ROBO1: variants seen among roughly 807,000 people sequenced by gnomAD.
ROBO1 encodes the protein roundabout homolog 1.
A neutral mutation model predicts 195.9 loss-of-function variants in ROBO1; 149 were observed. That is an observed-to-expected ratio of 0.76 (90% CI 0.67 to 0.87). ROBO1 has a LOEUF of 0.87. Ranked by LOEUF, ROBO1 falls within the 40% of genes least tolerant of loss-of-function variation. The pLI is 0.00. For synonymous variants in ROBO1, 816 were observed against 733.2 expected (o/e 1.11, Z -1.82); for missense variants, 1,933 against 2,068.3 (o/e 0.93, Z 1.27).
At chr3:79,064,891 A>G (rs2078979753) in intron 3 of ROBO1, among the ~76,000 whole-genome samples, 1 of 151,988 alleles carries the variant, frequency 6.6e-6, no homozygotes, top group African/African-American at 2.4e-5. Flanking sequence ...CCACCTTAGG[A>G]GTAAAAGCAT....
At chr3:79,171,629 G>C (rs1353073812) in intron 2 of ROBO1, among the ~76,000 whole-genome samples, 1 of 151,958 alleles carries the variant, frequency 6.6e-6, no homozygotes, top group Non-Finnish European at 1.5e-5. Flanking sequence ...AAATAAACAA[G>C]TCATTCACGT....
chr3:78,804,521 C>T (rs547223315), intron 4 of ROBO1, among the ~76,000 whole-genome samples: 2 of 152,086 alleles, frequency 1.3e-5, no homozygotes, highest in South Asian at 4.2e-4. Context: ...CTTTTATTCC[C>T]CTTTCTGGCA....
chr3:79,633,710 A>G lies in ROBO1; in HGVS notation c.-50-43749T>C, dbSNP rs576766666. On this transcript the variant is annotated intron_variant, in intron 1 of 30. Coordinates refer to ENST00000464233, the MANE Select transcript of ROBO1 (RefSeq NM_002941.4). ...TTCTTCAAGAACATCTTTTATATACATACTTGAATAGTGATTTAAAAAAAA... is the reference window on the plus strand; with the variant it reads ...TTCTTCAAGAACATCTTTTATATACGTACTTGAATAGTGATTTAAAAAAAA... Among the ~76,000 whole-genome samples the G allele has an allele frequency of 6.5e-4, 76 of 117,348 alleles. No individual in the cohort carries two copies. The South Asian group carries it at 6.8e-3, about 10-fold the overall frequency. 77.0% of individuals were successfully genotyped at this position (117,348 alleles called of 152,430 possible). A position where few individuals can be genotyped will look rare whatever the true frequency, so the allele number is the denominator to read the frequency against.
At chr3:79,226,219 C>T (rs913384906) in intron 2 of ROBO1, among the ~76,000 whole-genome samples, 1 of 152,018 alleles carries the variant, frequency 6.6e-6, no homozygotes, top group African/African-American at 2.4e-5. Flanking sequence ...ATCACATCTG[C>T]GTGGCAAAGA....
intron 2 of ROBO1, among the ~76,000 whole-genome samples, chr3:79,512,451 G>T (rs1481092226): frequency 6.6e-6 from 1 of 152,118 alleles, no homozygotes; most frequent in African/African-American, 2.4e-5. Flanking sequence ...TAACTAATTT[G>T]GTTCTCCCAA....
chr3:79,583,699 T>A lies in ROBO1; in HGVS notation c.88+6125A>T, dbSNP rs540732479. 5.3e-5 allele frequency among the ~76,000 whole-genome samples: 8 copies of A among 152,062 alleles called. No homozygotes were observed. The East Asian group carries it at 9.7e-4, about 18-fold the overall frequency. On this transcript the variant is annotated intron_variant, in intron 2 of 30. Transcript: ENST00000464233. ...ATCATTAATCTACTAGTGTTTTTTT[T>A]AAAGATATCCACATTAGCATAGGAA...
chr3:79,142,947 C>G (rs1273874120), intron 2 of ROBO1, among the ~76,000 whole-genome samples: 1 of 152,060 alleles, frequency 6.6e-6, no homozygotes, highest in Non-Finnish European at 1.5e-5. Flanking sequence ...AAAAGCAAGT[C>G]TCTGTAATCT....
At chr3:79,204,525 G>A (rs1421106850) in intron 2 of ROBO1, among the ~76,000 whole-genome samples, 2 of 151,936 alleles carry the variant, frequency 1.3e-5, no homozygotes, top group African/African-American at 4.8e-5. Context: ...TATGTGTTCC[G>A]TCATAGCCTG....
intron 1 of ROBO1, among the ~76,000 whole-genome samples, chr3:79,673,643 T>TA (rs1402056158): frequency 6.6e-6 from 1 of 152,014 alleles, no homozygotes; most frequent in African/African-American, 2.4e-5. Flanking sequence ...TTATATTGGG[T>TA]AAAAAATTTG....
intron 2 of ROBO1, among the ~76,000 whole-genome samples, chr3:79,489,206 C>A (rs1939320620): frequency 6.6e-6 from 1 of 151,686 alleles, no homozygotes; most frequent in African/African-American, 2.4e-5. Flanking sequence ...CTGGCAATTA[C>A]AATTGTGGAA....
chr3:79,573,313 A>G (rs891726569), intron 2 of ROBO1, among the ~76,000 whole-genome samples: 11 of 152,112 alleles, frequency 7.2e-5, no homozygotes, highest in African/African-American at 2.7e-4. Flanking sequence ...CTGCCTCTCA[A>G]GTTCTGGGAT....
chr3:78,753,988 A>G (rs1466732582), intron 4 of ROBO1, among the ~76,000 whole-genome samples: 1 of 152,174 alleles, frequency 6.6e-6, no homozygotes, highest in Non-Finnish European at 1.5e-5. Context: ...AGATGTGTTT[A>G]TTTATGAATC....
At position 78,828,164 on chromosome 3, in the gene ROBO1, A is replaced by G. The variant is rs145091893; in HGVS notation, c.500-81264T>C. Among the ~76,000 whole-genome samples, 9 of 152,340 alleles carry G rather than the reference A, an allele frequency of 5.9e-5. No homozygotes were observed. In the East Asian group the frequency reaches 1.5e-3, roughly 26 times the overall value. On this transcript the variant is annotated intron_variant, in intron 4 of 30. Coordinates refer to ENST00000464233, the MANE Select transcript of ROBO1 (RefSeq NM_002941.4). ...GGTAGATTAGCTTATCCAGTATCTAAGAAATCTGACTGAAATATTAATTTT... is the reference window on the plus strand; with the variant it reads ...GGTAGATTAGCTTATCCAGTATCTAGGAAATCTGACTGAAATATTAATTTT...
Position 78,962,823 on chromosome 3 carries a change from C to CAA in ROBO1, c.173-23898_173-23897dup, listed in dbSNP as rs770515270. Among the ~76,000 whole-genome samples the CAA allele has an allele frequency of 5.9e-3, 155 of 26,134 alleles. 10 individuals are homozygous for CAA. Among genetic ancestry groups the CAA allele is most frequent in the South Asian group, 0.011 (6 of 556 alleles). 17.1% of individuals were successfully genotyped at this position (26,134 alleles called of 152,430 possible). A position where few individuals can be genotyped will look rare whatever the true frequency, so the allele number is the denominator to read the frequency against. ...TGGGCGACAGAGTGAGACTCCATCT[C>CAA]AAAAAAAAAAAAAAAAAAAAAAAAA... is the stretch of plus-strand genomic sequence containing the variant. On this transcript the variant is annotated intron_variant, in intron 3 of 30. Transcript: ENST00000464233.
intron 3 of ROBO1, among the ~76,000 whole-genome samples, chr3:78,999,347 G>C (rs1255411807): frequency 6.6e-6 from 1 of 152,004 alleles, no homozygotes; most frequent in East Asian, 1.9e-4. Context: ...ATGTGACATG[G>C]AATACTATGC....
chr3:78,783,498 T>G (rs1422005388), intron 4 of ROBO1, among the ~76,000 whole-genome samples: 4 of 152,150 alleles, frequency 2.6e-5, no homozygotes, highest in Admixed American at 2.6e-4. Context: ...TAATGATAAA[T>G]TATTATCACA....
At chr3:79,237,826 A>C in intron 2 of ROBO1, among the ~76,000 whole-genome samples, 1 of 152,194 alleles carries the variant, frequency 6.6e-6, no homozygotes, top group East Asian at 1.9e-4. Flanking sequence ...GGATCCAAAA[A>C]ATTTCAGTCA....
chr3:79,437,231 G>A (rs956053321), intron 2 of ROBO1, among the ~76,000 whole-genome samples: 1 of 151,974 alleles, frequency 6.6e-6, no homozygotes, highest in Admixed American at 6.6e-5. Flanking sequence ...TCCAATGAAA[G>A]ACTGAGATAA....
At chr3:78,646,667 A>T (rs1706314531) in intron 20 of ROBO1, among the ~76,000 whole-genome samples, 1 of 151,082 alleles carries the variant, frequency 6.6e-6, no homozygotes, top group Admixed American at 6.6e-5. Context: ...AGTCAAAGAG[A>T]AATGTTAAAA....
Sources: allele counts gnomAD v4.1 joint callset (sites outside exome capture counted in the v4.1 genomes callset), GRCh38; gene constraint gnomAD v4.1.1; transcripts MANE v1.5; gene names NCBI Gene and HGNC (gene_info 2026-07-23, HGNC 2026-07-21).